The following BBX variants were observed in gnomAD, a reference collection of about 807,000 sequenced individuals.
The protein encoded by BBX is HMG box transcription factor BBX.
A neutral mutation model predicts 100.2 loss-of-function variants in BBX; 30 were observed. The observed-to-expected ratio is 0.30, with a 90% CI of 0.22 to 0.41. The LOEUF (loss-of-function observed/expected upper bound fraction) is 0.41, where lower values mean the gene tolerates loss of function less well. Among genes scored for constraint, BBX ranks in the 10% least tolerant of loss-of-function variants. BBX has a pLI of 1.00. For missense variants in BBX, 1,023 were observed against 1,129.8 expected, an observed-to-expected ratio of 0.91 and a Z score of 1.35; for synonymous variants, 376 against 388.1, an observed-to-expected ratio of 0.97 and a Z score of 0.37.
intron 2 of BBX, chr3:107,638,546 G>A (rs1290275515): frequency 6.6e-6 from 1 of 152,058 alleles, no homozygotes; most frequent in Non-Finnish European, 1.5e-5. Flanking sequence ...CTTTCTGCAG[G>A]TAAGCGATTT....
At position 107,747,978 on chromosome 3, in the gene BBX, C is replaced by G; in HGVS notation, c.764C>G (p.Thr255Arg). 1 of 1,612,604 alleles carries G rather than the reference C, an allele frequency of 6.2e-7. No individual in the cohort carries two copies. Among genetic ancestry groups the G allele is most frequent in the Non-Finnish European group, 8.5e-7 (1 of 1,179,144 alleles). ...LFQFAEISSS[T>R]SHSDASTKQC... ...GTTTCCTTTCAGATATCTTCAAGTA[C>G]GTCCCACTCTGATGCTTCTACAAAG... The change falls in exon 9 of 18, where the codon ACG (threonine) becomes AGG (arginine). Residue 255 changes from threonine (T) to arginine (R), a missense_variant. Thr to Arg is a moderately conservative substitution (Grantham distance 71). Around this residue, in one of 9 missense-constraint regions of BBX, gnomAD observed 95 missense variants for 95.1 expected, o/e 1.00. Coordinates refer to ENST00000325805, the MANE Select transcript of BBX (RefSeq NM_001142568.3).
intron 2 of BBX, among the ~76,000 whole-genome samples, chr3:107,579,026 C>G (rs997091808): frequency 1.3e-5 from 2 of 152,082 alleles, no homozygotes; most frequent in African/African-American, 2.4e-5. Flanking sequence ...CTGAGGGACC[C>G]TCTTGTTCTA....
intron 3 of BBX, among the ~76,000 whole-genome samples, chr3:107,675,831 G>T (rs2059253214): frequency 6.6e-6 from 1 of 152,042 alleles, no homozygotes. Context: ...TGTGAATTGG[G>T]GGACAAGATG....
intron 10 of BBX, among the ~76,000 whole-genome samples, chr3:107,755,945 T>G (rs1380217948): frequency 6.6e-6 from 1 of 152,228 alleles, no homozygotes; most frequent in East Asian, 1.9e-4. Context: ...AGATTGGCTA[T>G]GTAAGTCCAG....
intron 5 of BBX, among the ~76,000 whole-genome samples, chr3:107,727,664 A>C (rs1354696707): frequency 6.6e-6 from 1 of 152,166 alleles, no homozygotes; most frequent in African/African-American, 2.4e-5. Context: ...TCTATATTAC[A>C]GTTTTCATTT....
At chr3:107,601,294 G>C (rs2054050735) in intron 2 of BBX, among the ~76,000 whole-genome samples, 2 of 152,190 alleles carry the variant, frequency 1.3e-5, no homozygotes, top group Non-Finnish European at 2.9e-5. Flanking sequence ...GTGTTGAAGT[G>C]AAAGGGTCTC....
chr3:107,698,756 T>G (rs1353976936), intron 3 of BBX, among the ~76,000 whole-genome samples: 2 of 151,540 alleles, frequency 1.3e-5, no homozygotes, highest in Non-Finnish European at 2.9e-5. Flanking sequence ...GATAATTATT[T>G]CTCTTCTGAG....
At chr3:107,579,021 G>A (rs184210206) in intron 2 of BBX, among the ~76,000 whole-genome samples, 343 of 152,116 alleles carry the variant, frequency 2.3e-3, no homozygotes, top group South Asian at 4.4e-3. Context: ...GGGCCCTGAG[G>A]GACCCTCTTG....
At chr3:107,614,803 A>G (rs942654186) in intron 2 of BBX, among the ~76,000 whole-genome samples, 1 of 152,158 alleles carries the variant, frequency 6.6e-6, no homozygotes. Context: ...GACTGACTGT[A>G]TATTAGGTAG....
chr3:107,792,043 T>G (rs2069116413), intron 15 of BBX, among the ~76,000 whole-genome samples: 1 of 152,142 alleles, frequency 6.6e-6, no homozygotes, highest in African/African-American at 2.4e-5. Context: ...AATCCAATAT[T>G]AACTAGTCAT....
intron 4 of BBX, among the ~76,000 whole-genome samples, chr3:107,712,242 A>G (rs2061771457): frequency 6.6e-6 from 1 of 151,970 alleles, no homozygotes; most frequent in African/African-American, 2.4e-5. Flanking sequence ...TCCCTGCATT[A>G]TTTACCCTTC....
intron 9 of BBX, among the ~76,000 whole-genome samples, chr3:107,748,702 T>A (rs1054596344): frequency 6.6e-6 from 1 of 152,220 alleles, no homozygotes; most frequent in Non-Finnish European, 1.5e-5. Flanking sequence ...GAGCACTATA[T>A]GACAAATAAT....
chr3:107,531,920 C>T (rs1016489202), intron 2 of BBX, among the ~76,000 whole-genome samples: 4 of 152,030 alleles, frequency 2.6e-5, no homozygotes, highest in Non-Finnish European at 4.4e-5. Flanking sequence ...AACTTTCTTC[C>T]GTCAAGACAC....
intron 5 of BBX, among the ~76,000 whole-genome samples, chr3:107,725,135 G>A (rs2062823854): frequency 6.6e-6 from 1 of 152,132 alleles, no homozygotes; most frequent in African/African-American, 2.4e-5. Context: ...TCCCTTGTAA[G>A]TTGGATTGCT....
At chr3:107,584,122 ATATATAT>A (rs2052587643) in intron 2 of BBX, among the ~76,000 whole-genome samples, 6 of 27,386 alleles carry the variant, frequency 2.2e-4, no homozygotes, top group Non-Finnish European at 4.6e-4. Flanking sequence ...TATATATAAT[ATATATAT>A]TATTATATAT....
chr3:107,668,665 G>T (rs145824107), intron 3 of BBX, among the ~76,000 whole-genome samples: 1 of 152,304 alleles, frequency 6.6e-6, no homozygotes, highest in African/African-American at 2.4e-5. Context: ...CATCCAGTCA[G>T]CTGTTTCTTC....
At chr3:107,781,181 C>G (rs1054264533) in intron 13 of BBX, among the ~76,000 whole-genome samples, 4 of 151,780 alleles carry the variant, frequency 2.6e-5, no homozygotes, top group Non-Finnish European at 4.4e-5. Context: ...TGGATTTATT[C>G]CTCTGTTTTC....
chr3:107,758,809 GT>G (rs2065681242), intron 10 of BBX, among the ~76,000 whole-genome samples: 1 of 152,154 alleles, frequency 6.6e-6, no homozygotes, highest in Non-Finnish European at 1.5e-5. Flanking sequence ...ACCTTGGGCA[GT>G]TAGTTATACC....
At chr3:107,629,222 A>C (rs1324830292) in intron 2 of BBX, among the ~76,000 whole-genome samples, 1 of 152,178 alleles carries the variant, frequency 6.6e-6, no homozygotes, top group Non-Finnish European at 1.5e-5. Context: ...GGAAGATGAG[A>C]TGCAAATTAA....
Sources: gnomAD v4.1 joint callset for allele counts (sites outside exome capture counted in the v4.1 genomes callset) on GRCh38, gnomAD v4.1.1 for gene constraint, gnomAD v4.1.1 regional missense constraint, MANE v1.5 for transcripts, NCBI Gene and HGNC (gene_info 2026-07-23, HGNC 2026-07-21) for gene names.